The following DPP9 variants were observed in gnomAD, a reference collection of about 807,000 sequenced individuals.
DPP9 encodes the protein dipeptidyl peptidase IV-related protein-2.
Under a neutral mutation model 110.7 loss-of-function variants are expected in DPP9, and 50 were observed. The ratio of observed to expected loss-of-function variants is 0.45; its 90% CI spans 0.36 to 0.57. DPP9 has a LOEUF of 0.57. Ranked by LOEUF, DPP9 falls within the 20% of genes least tolerant of loss-of-function variation. The pLI is 0.00. For synonymous variants in DPP9, 561 were observed against 514.4 expected (o/e 1.09, Z -1.23); for missense variants, 1,022 against 1,217.9 (o/e 0.84, Z 2.39).
chr19:4,717,353 G>A (rs867304329), intron 3 of DPP9, among the ~76,000 whole-genome samples: 3 of 152,174 alleles, frequency 2.0e-5, no homozygotes, highest in Non-Finnish European at 4.4e-5. Flanking sequence ...GACCAGGACC[G>A]CCTGAGCACT....
intron 4 of DPP9, among the ~76,000 whole-genome samples, chr19:4,709,230 G>GTT (rs796655438): frequency 2.0e-5 from 3 of 146,516 alleles, no homozygotes; most frequent in South Asian, 2.1e-4. Context: ...TTGTTTGTTT[G>GTT]TTTTTTTTTT....
At chr19:4,699,372 G>A (rs2092068312) in intron 10 of DPP9, among the ~76,000 whole-genome samples, 1 of 151,974 alleles carries the variant, frequency 6.6e-6, no homozygotes, top group Admixed American at 6.6e-5. Flanking sequence ...CCAGGGCTCT[G>A]TCTGCGAGTT....
At chr19:4,697,302 G>C (rs949985465) in intron 11 of DPP9, among the ~76,000 whole-genome samples, 1 of 152,184 alleles carries the variant, frequency 6.6e-6, no homozygotes, top group Admixed American at 6.5e-5. Context: ...CCACACTCTG[G>C]GTAACTGGAT....
chr19:4,692,597 G>A (rs894286057), intron 13 of DPP9, among the ~76,000 whole-genome samples: 3 of 152,138 alleles, frequency 2.0e-5, no homozygotes, highest in South Asian at 2.1e-4. Context: ...GGGAAATCTG[G>A]TGTGCCCACC....
At chr19:4,703,445 G>C (rs111495237) in intron 7 of DPP9, among the ~76,000 whole-genome samples, 2 of 149,558 alleles carry the variant, frequency 1.3e-5, no homozygotes, top group Admixed American at 1.3e-4. Context: ...GCCAACATGG[G>C]GAAACCTCGT....
At chr19:4,722,186 T>C (rs535659494) in intron 2 of DPP9, 2 of 344,876 alleles carry the variant, frequency 5.8e-6, no homozygotes, top group African/African-American at 4.2e-5. Context: ...ATCCACACCA[T>C]TTACTGACCG....
In DPP9 at chr19:4,702,121, A is replaced by T; in HGVS notation, c.918T>A (p.Tyr306Ter). Residue 306 changes from tyrosine to a stop codon, truncating the protein, a stop_gained, in exon 9 of 22, where the codon TAT becomes TAA. Transcript: ENST00000262960. LOFTEE classifies it high-confidence loss of function. ...SEGLKTLRIL[Y>*]EEVDESEVEV... ...CCACCTCGGACTCATCGACTTCCTC[A>T]TACAGGATTCGCAGCGTCTTGAGGC... is the stretch of plus-strand genomic sequence containing the variant. 6.2e-7 allele frequency: 1 copy of T among 1,613,852 alleles called. No homozygotes were observed. The highest frequency in any genetic ancestry group is 8.5e-7 in the Non-Finnish European group (1 of 1,179,770).
In DPP9 at chr19:4,693,006, T is replaced by A. The variant is rs1194532474; in HGVS notation, c.1516+1655A>T. Reference sequence around the variant, plus strand: ...CTCATTCGCCCTTCAGCTCCTGCAGTCCCGGATGCCTCGCTCCCTGGGGTC... The same window carrying A: ...CTCATTCGCCCTTCAGCTCCTGCAGACCCGGATGCCTCGCTCCCTGGGGTC... On this transcript the variant is annotated intron_variant, in intron 13 of 21. Transcript: ENST00000262960. The surrounding 1 kb of genome is among the most constrained non-coding windows in gnomAD (Gnocchi z 5.0). 6.6e-6 allele frequency among the ~76,000 whole-genome samples: 1 copy of A among 152,088 alleles called. No individual in the cohort carries two copies. Among genetic ancestry groups the A allele is most frequent in the Non-Finnish European group, 1.5e-5 (1 of 68,000 alleles).
rs2091687077 is a variant in DPP9, at chr19:4,695,205, A to AC, written c.1353+172dup. On this transcript the variant is annotated intron_variant, in intron 12 of 21. Coordinates refer to ENST00000262960, the MANE Select transcript of DPP9 (RefSeq NM_139159.5). This position sits in a 1 kb window ranked among gnomAD's most constrained non-coding sequence, Gnocchi z 4.7. ...GCTCCAATGGCTGCCAGACTCACCA[A>AC]CCCCCCTAGACCCTCTTCCCTGCCA... 1.5e-6 allele frequency: 1 copy of AC among 655,434 alleles called. No homozygotes were observed. The allele number at this position is 655,434 out of a possible 1,614,324, so 40.6% of individuals were successfully genotyped here. A position where few individuals can be genotyped will look rare whatever the true frequency, so the allele number is the denominator to read the frequency against.
In DPP9 at chr19:4,704,050, G is replaced by A. The variant is rs746013408; in HGVS notation, c.605C>T (p.Ser202Phe). ...RDGGKNGFMV[S>F]PMKPLEIKTQ... ...CTTGATTTCCAGCGGTTTCATAGGG[G>A]ACACCTGAGGACAGAGACGCCCAGC... Residue 202 changes from serine to phenylalanine, a missense_variant, in exon 7 of 22, where the codon TCC becomes TTC. Coordinates refer to ENST00000262960, the MANE Select transcript of DPP9 (RefSeq NM_139159.5). This position sits in a 1 kb window ranked among gnomAD's most constrained non-coding sequence, Gnocchi z 6.0. 25 of 1,613,856 alleles carry A rather than the reference G, an allele frequency of 1.5e-5. No individual in the cohort carries two copies. The highest frequency in any genetic ancestry group is 1.9e-5 in the Non-Finnish European group (23 of 1,179,866).
At chr19:4,719,470 T>G (rs975726115) in intron 3 of DPP9, 1 of 241,748 alleles carries the variant, frequency 4.1e-6, no homozygotes, top group African/African-American at 2.2e-5. Context: ...ATCCTTACAC[T>G]GAGATCAGCA....
At chr19:4,712,522 G>A (rs1034940094) in intron 4 of DPP9, among the ~76,000 whole-genome samples, 6 of 152,008 alleles carry the variant, frequency 3.9e-5, no homozygotes, top group Non-Finnish European at 8.8e-5. Flanking sequence ...CTGCACTCCA[G>A]CCTGGGCAAT....
chr19:4,702,236 C>T (rs2092305509), intron 8 of DPP9, 81 bp from the exon 9 acceptor site: 2 of 1,500,982 alleles, frequency 1.3e-6, no homozygotes. Flanking sequence ...CCCTGCAGCA[C>T]CGGGGCCTGA....
In DPP9 at chr19:4,694,692, G is replaced by A. The variant is rs764565940; in HGVS notation, c.1485C>T (p.Tyr495=). ...KVTAVLKSQG[Y]DWSEPFSPGE... is the part of the protein sequence containing the mutation. ...CGGGGCTGAAGGGCTCACTCCAATC[G>A]TAGCCCTGGGATTTTAAAACGGCGG... Residue 495 remains tyrosine, a synonymous_variant, in exon 13 of 22, where the codon TAC becomes TAT. Coordinates refer to ENST00000262960, the MANE Select transcript of DPP9 (RefSeq NM_139159.5). The surrounding 1 kb of genome is among the most constrained non-coding windows in gnomAD (Gnocchi z 4.0). 75 of 1,612,488 alleles carry A rather than the reference G, an allele frequency of 4.7e-5. 1 individual carries two copies. In the South Asian group the frequency reaches 5.0e-4, roughly 11 times the overall value.
At position 4,702,518 on chromosome 19, in the gene DPP9, G is replaced by A; in HGVS notation, c.883+85C>T. On this transcript the variant is annotated intron_variant, in intron 8 of 21. Coordinates refer to ENST00000262960, the MANE Select transcript of DPP9 (RefSeq NM_139159.5). Reference sequence around the variant, plus strand: ...ACTGTGGAGGTGGTTTGAGGTGAAAGGAGTAAGGCGCAGGAAGGACACAGC... The same window carrying A: ...ACTGTGGAGGTGGTTTGAGGTGAAAAGAGTAAGGCGCAGGAAGGACACAGC... 3 of 1,038,584 alleles carry A rather than the reference G, an allele frequency of 2.9e-6. No individual in the cohort carries two copies. The South Asian group carries it at 4.4e-5, about 15-fold the overall frequency. 64.3% of individuals were successfully genotyped at this position (1,038,584 alleles called of 1,614,324 possible).
In DPP9 at chr19:4,695,047, A is replaced by C; in HGVS notation, c.1354-224T>G. The C allele has an allele frequency of 1.7e-6, 1 of 603,800 alleles. No homozygotes were observed. 37.4% of individuals were successfully genotyped at this position (603,800 alleles called of 1,614,324 possible). A position where few individuals can be genotyped will look rare whatever the true frequency, so the allele number is the denominator to read the frequency against. On this transcript the variant is annotated intron_variant, in intron 12 of 21. Coordinates refer to ENST00000262960, the MANE Select transcript of DPP9 (RefSeq NM_139159.5). The surrounding 1 kb of genome is among the most constrained non-coding windows in gnomAD (Gnocchi z 4.7). ...AGGCTTGTGGTCCTAGCTACTCTGG[A>C]GGCTGAGGTGGGAGGATCACTTAGG...
At chr19:4,717,821 G>A (rs2093149534) in intron 3 of DPP9, 1 of 152,288 alleles carries the variant, frequency 6.6e-6, no homozygotes, top group South Asian at 2.1e-4. Context: ...ATTGCAGAGA[G>A]GCTGGCGCAA....
At chr19:4,723,228 T>C (rs538411661) in intron 1 of DPP9, among the ~76,000 whole-genome samples, 4 of 152,084 alleles carry the variant, frequency 2.6e-5, no homozygotes, top group Non-Finnish European at 5.9e-5. Context: ...AGGATGCAGG[T>C]CGAGGGAGGT....
At chr19:4,713,946 G>A (rs866736032) in intron 4 of DPP9, 135 bp downstream of exon 4, 23 of 1,345,832 alleles carry the variant, frequency 1.7e-5, no homozygotes, top group African/African-American at 5.9e-5. Context: ...GCTGAGCCTC[G>A]AAGGACAGCA....
Sources: gnomAD v4.1 joint callset for allele counts (sites outside exome capture counted in the v4.1 genomes callset) on GRCh38, gnomAD v4.1.1 for gene constraint, Gnocchi (gnomAD v3.1) non-coding constraint, MANE v1.5 for transcripts, NCBI Gene and HGNC (gene_info 2026-07-23, HGNC 2026-07-21) for gene names.